The following ARHGEF12 variants were observed in gnomAD, a reference collection of about 807,000 sequenced individuals.
ARHGEF12 encodes KMT2A/ARHGEF12 fusion protein.
ARHGEF12 carries 66 observed loss-of-function variants against 211.2 expected under a neutral mutation model. That is an observed-to-expected ratio of 0.31 (90% confidence interval 0.26 to 0.38). The LOEUF (loss-of-function observed/expected upper bound fraction) is 0.38. Ranked by LOEUF, ARHGEF12 falls within the 10% of genes least tolerant of loss-of-function variation. The pLI is 1.00. For missense variants in ARHGEF12, 1,429 were observed against 1,869.5 expected, an observed-to-expected ratio of 0.76 and a Z score of 4.34; for synonymous variants, 592 against 638.4, an observed-to-expected ratio of 0.93 and a Z score of 1.09.
At chr11:120,415,906 T>C (rs149124762) in intron 4 of ARHGEF12, among the ~76,000 whole-genome samples, 1 of 152,312 alleles carries the variant, frequency 6.6e-6, no homozygotes, top group African/African-American at 2.4e-5. Context: ...AGCAGGTAAA[T>C]ATAAAATAAT....
intron 11 of ARHGEF12, among the ~76,000 whole-genome samples, chr11:120,432,779 T>TCA (rs1284193035): frequency 5.9e-5 from 9 of 152,186 alleles, no homozygotes; most frequent in African/African-American, 2.2e-4. Flanking sequence ...AGGTTGTTGT[T>TCA]GGGGGATTGT....
intron 6 of ARHGEF12, among the ~76,000 whole-genome samples, chr11:120,423,313 G>A (rs1357389741): frequency 6.6e-6 from 1 of 152,114 alleles, no homozygotes; most frequent in Admixed American, 6.6e-5. Flanking sequence ...TATAAATTAG[G>A]TAAAACCTGT....
At position 120,489,503 on chromosome 11, in the gene ARHGEF12, C is replaced by G. The variant is rs1947481232; in HGVS notation, c.*4426C>G. The G allele has an allele frequency of 4.5e-6, 1 of 222,610 alleles. No homozygotes were observed. The highest frequency in any genetic ancestry group is 1.8e-4 in the South Asian group (1 of 5,450). The allele number at this position is 222,610 out of a possible 1,614,324, so 13.8% of individuals were successfully genotyped here. ...TATTTTTCCTGTCCCCAGTGCTGGG[C>G]TTCTTCACATACCAACATTTCTGTG... On this transcript the variant is annotated 3_prime_UTR_variant, in exon 41 of 41. Coordinates refer to ENST00000397843, the MANE Select transcript of ARHGEF12 (RefSeq NM_015313.3).
rs114704840 is a variant in ARHGEF12 at position 120,451,131 on chromosome 11, T to G, written c.1844-381T>G. The G allele has an allele frequency of 8.9e-3, 1,514 of 170,804 alleles. 29 individuals carry two copies. Among genetic ancestry groups the G allele is most frequent in the African/African-American group, 0.035 (1,447 of 41,770 alleles). 10.6% of individuals were successfully genotyped at this position (170,804 alleles called of 1,614,324 possible). A position where few individuals can be genotyped will look rare whatever the true frequency, so the allele number is the denominator to read the frequency against. On this transcript the variant is annotated intron_variant, in intron 21 of 40. Transcript: ENST00000397843. ...CACATTTTACCAGATTCTTTTACAT[T>G]GTCCTTTTTTGCTTTTAGCTAATTT...
At chr11:120,445,400 T>G in intron 15 of ARHGEF12, 22 bp from the exon 16 acceptor site, 1 of 1,613,210 alleles carries the variant, frequency 6.2e-7, no homozygotes. Context: ...TTGTTACACC[T>G]TTTGTTTGCA....
chr11:120,407,663 C>T, intron 2 of ARHGEF12, 75 bp from the exon 3 acceptor site: 1 of 1,091,532 alleles, frequency 9.2e-7, no homozygotes, highest in Non-Finnish European at 1.4e-6. Context: ...TTGTAAGATC[C>T]ACTTTTAGAA....
rs767843124 is a variant in ARHGEF12 at position 120,337,238 on chromosome 11, GC to G, written c.-2del. The G allele has an allele frequency of 3.3e-5, 54 of 1,614,144 alleles. No homozygotes were observed. In the African/African-American group the frequency reaches 6.0e-4, roughly 18 times the overall value. ...ATAAAAGGAGGACCTCTCGCCAAGG[GC>G]CCCAATGAGTGGCACACAGTCTACT... On this transcript the variant is annotated 5_prime_UTR_variant, in exon 1 of 41. Coordinates refer to ENST00000397843, the MANE Select transcript of ARHGEF12 (RefSeq NM_015313.3).
Position 120,473,032 on chromosome 11 carries a change from A to G in ARHGEF12, c.2956-18A>G. The G allele has an allele frequency of 6.2e-7, 1 of 1,612,604 alleles. No individual in the cohort carries two copies. Among genetic ancestry groups the G allele is most frequent in the Non-Finnish European group, 8.5e-7 (1 of 1,179,024 alleles). Reference sequence around the variant, plus strand: ...TGACCAAAGCACTAACCTTGGTTCCACCCTGCCTAATTTTCAGCGCCTAGA... The same window carrying G: ...TGACCAAAGCACTAACCTTGGTTCCGCCCTGCCTAATTTTCAGCGCCTAGA... On this transcript the variant is annotated intron_variant, in intron 30 of 40. Coordinates refer to ENST00000397843, the MANE Select transcript of ARHGEF12 (RefSeq NM_015313.3).
chr11:120,349,689 T>C (rs1942876680), intron 1 of ARHGEF12, among the ~76,000 whole-genome samples: 1 of 152,122 alleles, frequency 6.6e-6, no homozygotes, highest in South Asian at 2.1e-4. Flanking sequence ...TAAATGAGAG[T>C]GTGTGTGAGT....
chr11:120,402,258 A>AT (rs995072350), intron 1 of ARHGEF12, among the ~76,000 whole-genome samples: 1 of 152,054 alleles, frequency 6.6e-6, no homozygotes, highest in African/African-American at 2.4e-5. Flanking sequence ...TCCATTTCTG[A>AT]TTTTCAATAG....
chr11:120,460,003 C>T (rs1309618036), intron 26 of ARHGEF12, among the ~76,000 whole-genome samples: 1 of 152,132 alleles, frequency 6.6e-6, no homozygotes, highest in Non-Finnish European at 1.5e-5. Context: ...GAGCCACTGC[C>T]CCGGCCTCAG....
chr11:120,365,482 G>A (rs933847965), intron 1 of ARHGEF12, among the ~76,000 whole-genome samples: 8 of 152,132 alleles, frequency 5.3e-5, no homozygotes, highest in African/African-American at 1.4e-4. Flanking sequence ...AAGTTTCTGG[G>A]TGTTTAAATG....
At chr11:120,404,664 C>G (rs947459069) in intron 1 of ARHGEF12, among the ~76,000 whole-genome samples, 1 of 152,110 alleles carries the variant, frequency 6.6e-6, no homozygotes, top group Non-Finnish European at 1.5e-5. Context: ...CCAGCATCCC[C>G]CTGGATGTTG....
At chr11:120,416,844 G>C (rs539580575) in intron 4 of ARHGEF12, among the ~76,000 whole-genome samples, 1 of 152,202 alleles carries the variant, frequency 6.6e-6, no homozygotes, top group South Asian at 2.1e-4. Context: ...TAGGGACAGG[G>C]TTTCACCATG....
chr11:120,424,011 G>T (rs982637612), intron 6 of ARHGEF12, among the ~76,000 whole-genome samples: 1 of 152,116 alleles, frequency 6.6e-6, no homozygotes, highest in African/African-American at 2.4e-5. Context: ...TTGACAAATT[G>T]ATGACTTGGT....
intron 27 of ARHGEF12, 144 bp from the exon 28 acceptor site, chr11:120,465,093 A>G: frequency 1.0e-6 from 1 of 993,456 alleles, no homozygotes; most frequent in South Asian, 1.6e-5. Flanking sequence ...TTAATGGAGA[A>G]CCATTGATAT....
intron 5 of ARHGEF12, among the ~76,000 whole-genome samples, chr11:120,421,388 C>T (rs10750174): frequency 0.43 from 64,358 of 148,536 alleles, 14,306 homozygotes; most frequent in African/African-American, 0.53. Flanking sequence ...TAGTGAGTGG[C>T]AGAAGCAGCA....
chr11:120,457,722 G>A lies in ARHGEF12; in HGVS notation c.2191G>A (p.Val731Met), dbSNP rs759885937. The A allele has an allele frequency of 2.2e-5, 36 of 1,606,352 alleles. No individual in the cohort carries two copies. The highest frequency in any genetic ancestry group is 2.8e-5 in the Non-Finnish European group (33 of 1,176,466). Reference protein sequence around the residue: ...VQEEECEVERVTEHGTPKPFR... With the variant: ...VQEEECEVERMTEHGTPKPFR... Reference sequence around the variant, plus strand: ...ACTCTTTACTTTCCATTGTTTTAGGGTGACTGAACATGGGACACCAAAGCC... The same window carrying A: ...ACTCTTTACTTTCCATTGTTTTAGGATGACTGAACATGGGACACCAAAGCC... Residue 731 changes from valine (V) to methionine (M), a missense_variant and splice_region_variant, in exon 24 of 41, where the codon GTG (valine) becomes ATG (methionine). Physicochemically the swap from Val to Met is conservative, Grantham distance 21. Coordinates refer to ENST00000397843, the MANE Select transcript of ARHGEF12 (RefSeq NM_015313.3).
At chr11:120,356,153 T>C (rs1037083325) in intron 1 of ARHGEF12, among the ~76,000 whole-genome samples, 2 of 152,226 alleles carry the variant, frequency 1.3e-5, no homozygotes, top group Admixed American at 6.5e-5. Context: ...TTGATAGGAT[T>C]CTACTTTAAA....
Sources: allele counts gnomAD v4.1 joint callset (sites outside exome capture counted in the v4.1 genomes callset), GRCh38; gene constraint gnomAD v4.1.1; transcripts MANE v1.5; gene names NCBI Gene and HGNC (gene_info 2026-07-23, HGNC 2026-07-21).